Variants in OR1J2 observed in about 807,000 individuals in gnomAD.
OR1J2 encodes olfactory receptor 1J2.
For missense variants in OR1J2, 304 were observed against 246.1 expected (o/e 1.24, Z -1.57); for synonymous variants, 142 against 99.7 (o/e 1.42, Z -2.52).
the OR1J2 span, among the ~76,000 whole-genome samples, chr9:122,483,823 C>G: frequency 5.9e-5 from 9 of 151,996 alleles, no homozygotes; most frequent in Non-Finnish European, 1.0e-4. Context: ...AGGTATTTCT[C>G]TAAATAAAAA....
chr9:122,533,039 A>G, the OR1J2 span, among the ~76,000 whole-genome samples: 78 of 152,220 alleles, frequency 5.1e-4, no homozygotes, highest in African/African-American at 1.7e-3. Context: ...TGCTGAGCCT[A>G]ATGGGTGTCA....
chr9:122,541,727 T>C, the OR1J2 span, among the ~76,000 whole-genome samples: 2 of 152,174 alleles, frequency 1.3e-5, no homozygotes, highest in African/African-American at 4.8e-5. Context: ...GATACTGACA[T>C]TGAGGGGTTT....
chr9:122,480,174 A>G, the OR1J2 span, among the ~76,000 whole-genome samples: 7,239 of 152,224 alleles, frequency 0.048, 552 homozygotes, highest in African/African-American at 0.16. Context: ...AATATTTGCA[A>G]GTGATTAAAA....
At chr9:122,489,694 AC>A in the OR1J2 span, among the ~76,000 whole-genome samples, 8 of 152,208 alleles carry the variant, frequency 5.3e-5, no homozygotes, top group African/African-American at 1.9e-4. Context: ...GGCTCACACA[AC>A]CTGTTCCCGG....
chr9:122,499,189 G>A, the OR1J2 span, among the ~76,000 whole-genome samples: 57,523 of 152,178 alleles, frequency 0.38, 11,511 homozygotes, highest in African/African-American at 0.47. Context: ...GATGGCAGGC[G>A]TAAGAACCAA....
At chr9:122,578,716 C>A in the OR1J2 span, among the ~76,000 whole-genome samples, 20,537 of 151,912 alleles carry the variant, frequency 0.14, 1,508 homozygotes, top group Middle Eastern at 0.2. Context: ...AATGGAAAAC[C>A]AAACATCGTA....
the OR1J2 span, chr9:122,567,485 A>G: frequency 8.0e-7 from 1 of 1,248,060 alleles, no homozygotes; most frequent in Non-Finnish European, 1.1e-6. Context: ...TTCACCAGAA[A>G]CCAGTAGAAA....
chr9:122,513,880 A>T (rs1394018408), downstream of OR1J2, among the ~76,000 whole-genome samples: 1 of 152,196 alleles, frequency 6.6e-6, no homozygotes, highest in Non-Finnish European at 1.5e-5. Flanking sequence ...GCTTTTGAAG[A>T]TATTAAAGTA....
chr9:122,492,050 T>C, the OR1J2 span, among the ~76,000 whole-genome samples: 1 of 152,188 alleles, frequency 6.6e-6, no homozygotes, highest in Non-Finnish European at 1.5e-5. Flanking sequence ...TGCAAATGTG[T>C]TACCTGGGCA....
the OR1J2 span, among the ~76,000 whole-genome samples, chr9:122,466,585 A>G: frequency 6.6e-6 from 1 of 152,232 alleles, no homozygotes; most frequent in Non-Finnish European, 1.5e-5. Context: ...TTACAATTAC[A>G]GCAAACTGAG....
chr9:122,468,277 A>G, the OR1J2 span, among the ~76,000 whole-genome samples: 296 of 152,356 alleles, frequency 1.9e-3, 1 homozygote, highest in African/African-American at 6.5e-3. Context: ...ATTTAGAACC[A>G]GAACAGATTC....
the OR1J2 span, among the ~76,000 whole-genome samples, chr9:122,473,544 C>A: frequency 6.6e-6 from 1 of 152,138 alleles, no homozygotes; most frequent in Non-Finnish European, 1.5e-5. Flanking sequence ...TCTTTGTTTT[C>A]CTATTGGATA....
the OR1J2 span, among the ~76,000 whole-genome samples, chr9:122,570,141 T>C: frequency 0.23 from 33,190 of 146,066 alleles, 4,151 homozygotes; most frequent in Middle Eastern, 0.34. Context: ...AATAAACATA[T>C]GTGTGCATGT....
the OR1J2 span, among the ~76,000 whole-genome samples, chr9:122,455,191 G>C: frequency 6.6e-6 from 1 of 152,154 alleles, no homozygotes; most frequent in South Asian, 2.1e-4. Flanking sequence ...TTGGATGCAA[G>C]TTTTTGTTTG....
At chr9:122,553,539 T>C in the OR1J2 span, 1 of 1,614,134 alleles carries the variant, frequency 6.2e-7, no homozygotes, top group Admixed American at 1.7e-5. Context: ...CCTCCTTATG[T>C]TTGGTGGCCT....
the OR1J2 span, among the ~76,000 whole-genome samples, chr9:122,478,774 C>A: frequency 6.6e-6 from 1 of 152,066 alleles, no homozygotes; most frequent in African/African-American, 2.4e-5. Flanking sequence ...TTGCTCTGAT[C>A]TTTTTTTGTT....
chr9:122,557,262 A>C, the OR1J2 span, among the ~76,000 whole-genome samples: 10 of 152,124 alleles, frequency 6.6e-5, no homozygotes, highest in African/African-American at 2.4e-4. Context: ...ATGATATTCA[A>C]AAGCAGTAAT....
the OR1J2 span, among the ~76,000 whole-genome samples, chr9:122,451,247 G>A: frequency 2.0e-5 from 3 of 150,994 alleles, no homozygotes; most frequent in Non-Finnish European, 2.9e-5. Context: ...GTGCAATGGC[G>A]CGATCTCAGC....
the OR1J2 span, among the ~76,000 whole-genome samples, chr9:122,469,312 C>T: frequency 6.6e-6 from 1 of 152,186 alleles, no homozygotes; most frequent in Non-Finnish European, 1.5e-5. Context: ...CAGTTTCCCC[C>T]ATACCGTTCT....
Sources: gnomAD v4.1 joint callset for allele counts (sites outside exome capture counted in the v4.1 genomes callset) on GRCh38, gnomAD v4.1.1 for gene constraint, MANE v1.5 for transcripts, NCBI Gene and HGNC (gene_info 2026-07-23, HGNC 2026-07-21) for gene names.